SHROOM3: variants seen among roughly 807,000 people sequenced by gnomAD.
SHROOM3 encodes shroom family member 3.
SHROOM3 carries 47 observed loss-of-function variants against 138.6 expected under a neutral mutation model. The observed-to-expected ratio is 0.34, with a 90% CI of 0.27 to 0.43. The LOEUF (loss-of-function observed/expected upper bound fraction) is 0.43. SHROOM3 is among the 20% of genes least tolerant of loss of function. The pLI, the probability that SHROOM3 is intolerant of heterozygous loss-of-function variation, is 1.00. For missense variants in SHROOM3, 2,491 were observed against 2,596.5 expected (o/e 0.96, Z 0.88); for synonymous variants, 1,062 against 1,063.3 (o/e 1.00, Z 0.02).
chr4:76,499,530 CAA>C (rs1468088237), intron 1 of SHROOM3, among the ~76,000 whole-genome samples: 1 of 152,120 alleles, frequency 6.6e-6, no homozygotes, highest in African/African-American at 2.4e-5. Flanking sequence ...TTCAGGGAAA[CAA>C]ACATTTTTAT....
At position 76,740,485 on chromosome 4, in the gene SHROOM3, G is replaced by T. The variant is rs1721210912; in HGVS notation, c.2312G>T (p.Gly771Val). ...PGPGSASALQ[G>V]FQYGKPHCSV... Reference sequence around the variant, plus strand: ...CCAGGCAGCGCCTCGGCTCTTCAGGGCTTTCAGTACGGGAAGCCCCACTGC... The same window carrying T: ...CCAGGCAGCGCCTCGGCTCTTCAGGTCTTTCAGTACGGGAAGCCCCACTGC... Residue 771 changes from glycine (G) to valine (V), a missense_variant, in exon 5 of 11, where the codon GGC becomes GTC. Coordinates refer to ENST00000296043, the MANE Select transcript of SHROOM3 (RefSeq NM_020859.4). The surrounding 1 kb of genome is among the most constrained non-coding windows in gnomAD (Gnocchi z 4.0). 2 of 1,612,884 alleles carry T rather than the reference G, an allele frequency of 1.2e-6. No homozygotes were observed. The highest frequency in any genetic ancestry group is 4.5e-5 in the East Asian group (2 of 44,840).
In SHROOM3 at chr4:76,739,417, C is replaced by G. The variant is rs1437998325; in HGVS notation, c.1244C>G (p.Pro415Arg). 2 of 1,614,156 alleles carry G rather than the reference C, an allele frequency of 1.2e-6. No homozygotes were observed. Among genetic ancestry groups the G allele is most frequent in the South Asian group, 2.2e-5 (2 of 91,092 alleles). The change falls in exon 5 of 11, where the codon CCT becomes CGT. Residue 415 changes from proline to arginine, a missense_variant. Around this residue, in one of 4 missense-constraint regions of SHROOM3, gnomAD observed 1,733 missense variants for 1,661.6 expected, o/e 1.04. Coordinates refer to ENST00000296043, the MANE Select transcript of SHROOM3 (RefSeq NM_020859.4). ...SSLDQKRLCR[P>R]QANSLGSLKS... ...CTTGATCAGAAACGGCTCTGCCGGCCTCAGGCAAACTCTTTAGGCTCCCTG... is the reference window on the plus strand; with the variant it reads ...CTTGATCAGAAACGGCTCTGCCGGCGTCAGGCAAACTCTTTAGGCTCCCTG...
intron 3 of SHROOM3, among the ~76,000 whole-genome samples, chr4:76,713,936 C>G (rs1166281108): frequency 6.6e-6 from 1 of 152,198 alleles, no homozygotes; most frequent in Non-Finnish European, 1.5e-5. Flanking sequence ...CCAACTGTTA[C>G]TGATATGGGA....
intron 2 of SHROOM3, among the ~76,000 whole-genome samples, chr4:76,677,125 C>T (rs1268249872): frequency 6.6e-6 from 1 of 152,118 alleles, no homozygotes; most frequent in African/African-American, 2.4e-5. Flanking sequence ...CTTTGTCCAT[C>T]CCCCATTAGA....
chr4:76,568,130 C>T (rs932528615), intron 2 of SHROOM3, among the ~76,000 whole-genome samples: 14 of 152,090 alleles, frequency 9.2e-5, no homozygotes, highest in African/African-American at 2.9e-4. Flanking sequence ...GTGTGGTATC[C>T]GCAGTGCTTG....
At position 76,783,184 on chromosome 4, in the gene SHROOM3, A is replaced by G. The variant is rs1722775275; in HGVS notation, c.*4007A>G. ...CTAACATGAATTTAATAATCTGAATAATTTTTAAAATTTAAATAAACAGAA... is the reference window on the plus strand; with the variant it reads ...CTAACATGAATTTAATAATCTGAATGATTTTTAAAATTTAAATAAACAGAA... On this transcript the variant is annotated 3_prime_UTR_variant, in exon 11 of 11. Coordinates refer to ENST00000296043, the MANE Select transcript of SHROOM3 (RefSeq NM_020859.4). The G allele has an allele frequency of 6.6e-6, 1 of 152,244 alleles. No homozygotes were observed. Among genetic ancestry groups the G allele is most frequent in the African/African-American group, 2.4e-5 (1 of 41,466 alleles). The allele number at this position is 152,244 out of a possible 1,614,324, so 9.4% of individuals were successfully genotyped here.
intron 1 of SHROOM3, among the ~76,000 whole-genome samples, chr4:76,529,788 C>T (rs1037631723): frequency 1.3e-5 from 2 of 152,180 alleles, no homozygotes; most frequent in African/African-American, 2.4e-5. Flanking sequence ...TGCTTCCAGT[C>T]CAGCGAAGAT....
intron 2 of SHROOM3, among the ~76,000 whole-genome samples, chr4:76,580,446 CTTTTTTTTTTTTTT>C (rs869200924): frequency 2.3e-5 from 2 of 88,088 alleles, no homozygotes; most frequent in East Asian, 3.2e-4. Flanking sequence ...TGGGCAAGTT[CTTTTTTTTTTTTTT>C]TTTTTTTTTG....
intron 2 of SHROOM3, among the ~76,000 whole-genome samples, chr4:76,612,232 C>A (rs1185095513): frequency 6.6e-6 from 1 of 152,116 alleles, no homozygotes. Context: ...CTGCATGTAT[C>A]CTGCTTCTCT....
At chr4:76,735,868 AATATATATATATATAT>A (rs758812304) in intron 4 of SHROOM3, among the ~76,000 whole-genome samples, 582 of 18,752 alleles carry the variant, frequency 0.031, 46 homozygotes, top group Middle Eastern at 0.12. Flanking sequence ...AAAAAAAAAA[AATATATATATATATAT>A]ATATATATAT....
At chr4:76,647,233 G>A (rs1353128170) in intron 2 of SHROOM3, among the ~76,000 whole-genome samples, 1 of 152,180 alleles carries the variant, frequency 6.6e-6, no homozygotes, top group Non-Finnish European at 1.5e-5. Context: ...GAGGTAGAGA[G>A]TCGAGTGTTA....
At chr4:76,752,994 G>A (rs1320352055) in intron 6 of SHROOM3, among the ~76,000 whole-genome samples, 1 of 152,164 alleles carries the variant, frequency 6.6e-6, no homozygotes, top group African/African-American at 2.4e-5. Flanking sequence ...AGAGCAGCTG[G>A]GCAAAGGAGA....
At chr4:76,547,100 A>G (rs1235517133) in intron 1 of SHROOM3, among the ~76,000 whole-genome samples, 3 of 152,200 alleles carry the variant, frequency 2.0e-5, no homozygotes, top group Non-Finnish European at 4.4e-5. Flanking sequence ...GTAAACCACT[A>G]TAATAGGTTC....
intron 1 of SHROOM3, among the ~76,000 whole-genome samples, chr4:76,448,757 C>G (rs757303377): frequency 1.9e-4 from 29 of 152,150 alleles, no homozygotes; most frequent in Admixed American, 6.6e-4. Flanking sequence ...TGAGGAAATC[C>G]AAACTAAGAT....
intron 2 of SHROOM3, among the ~76,000 whole-genome samples, chr4:76,708,736 G>A (rs1236676407): frequency 6.6e-6 from 1 of 152,182 alleles, no homozygotes; most frequent in Non-Finnish European, 1.5e-5. Flanking sequence ...TCAGTGGGTA[G>A]AGCCAGGACT....
intron 2 of SHROOM3, among the ~76,000 whole-genome samples, chr4:76,584,634 G>A (rs1374936973): frequency 2.6e-5 from 4 of 152,146 alleles, no homozygotes; most frequent in Non-Finnish European, 5.9e-5. Flanking sequence ...ATGACCATTC[G>A]TCATTCCGCA....
chr4:76,574,016 C>G (rs755827103), intron 2 of SHROOM3, among the ~76,000 whole-genome samples: 16 of 152,176 alleles, frequency 1.1e-4, no homozygotes, highest in Non-Finnish European at 2.2e-4. Context: ...CCAGGGTTCC[C>G]TGAGCCCTTT....
At chr4:76,481,954 C>A (rs1278706363) in intron 1 of SHROOM3, among the ~76,000 whole-genome samples, 4 of 152,066 alleles carry the variant, frequency 2.6e-5, no homozygotes, top group Non-Finnish European at 5.9e-5. Flanking sequence ...AAATTCAACA[C>A]CCCTTCATGC....
chr4:76,567,387 A>G (rs1733747853), intron 2 of SHROOM3, among the ~76,000 whole-genome samples: 1 of 152,190 alleles, frequency 6.6e-6, no homozygotes, highest in Non-Finnish European at 1.5e-5. Flanking sequence ...GCGGTGGCTC[A>G]TGCCTGTAAT....
Sources: allele counts gnomAD v4.1 joint callset (sites outside exome capture counted in the v4.1 genomes callset), GRCh38; gene constraint gnomAD v4.1.1; regional missense constraint gnomAD v4.1.1; non-coding constraint Gnocchi (gnomAD v3.1); transcripts MANE v1.5; gene names NCBI Gene and HGNC (gene_info 2026-07-23, HGNC 2026-07-21).